Variants in TAS2R1 observed in about 807,000 individuals in gnomAD.
TAS2R1 encodes the protein taste 2 receptor member 1.
For synonymous variants in TAS2R1, 141 were observed against 134.2 expected, an observed-to-expected ratio of 1.05 and a Z score of -0.35; for missense variants, 370 against 353.4, an observed-to-expected ratio of 1.05 and a Z score of -0.38.
chr5:9,814,559 A>G, the TAS2R1 span, among the ~76,000 whole-genome samples: 3 of 152,186 alleles, frequency 2.0e-5, no homozygotes, highest in Non-Finnish European at 4.4e-5. Flanking sequence ...TCACTGAAGC[A>G]TTTGTCTACA....
chr5:9,848,514 A>C, the TAS2R1 span, among the ~76,000 whole-genome samples: 2 of 152,188 alleles, frequency 1.3e-5, no homozygotes, highest in African/African-American at 4.8e-5. Context: ...AGCTCTGGTC[A>C]TCTATTGTAC....
chr5:9,711,880 G>A (rs1287442381), intron 1 of TAS2R1, among the ~76,000 whole-genome samples: 1 of 151,572 alleles, frequency 6.6e-6, no homozygotes, highest in Admixed American at 6.6e-5. Flanking sequence ...TGGCCAGGCT[G>A]GTCTCGAACT....
the TAS2R1 span, among the ~76,000 whole-genome samples, chr5:9,835,667 G>T: frequency 2.0e-5 from 3 of 152,118 alleles, no homozygotes; most frequent in Admixed American, 1.3e-4. Context: ...AACACCCATG[G>T]TGCCACCTGA....
At chr5:9,649,004 G>T (rs115838964) in intron 2 of TAS2R1, among the ~76,000 whole-genome samples, 55 of 152,288 alleles carry the variant, frequency 3.6e-4, no homozygotes, top group Non-Finnish European at 6.0e-4. Flanking sequence ...GCTAATTGTT[G>T]AAAGAGAACT....
the TAS2R1 span, among the ~76,000 whole-genome samples, chr5:9,779,730 T>A: frequency 6.6e-6 from 1 of 152,002 alleles, no homozygotes; most frequent in Non-Finnish European, 1.5e-5. Flanking sequence ...ATAATAATAA[T>A]GAAAAAGTCT....
At chr5:9,731,272 C>A in the TAS2R1 span, among the ~76,000 whole-genome samples, 1 of 152,188 alleles carries the variant, frequency 6.6e-6, no homozygotes, top group African/African-American at 2.4e-5. Context: ...AACCTCCTCA[C>A]TGACTGCTCT....
the TAS2R1 span, among the ~76,000 whole-genome samples, chr5:9,856,568 G>A: frequency 6.6e-6 from 1 of 152,136 alleles, no homozygotes; most frequent in Non-Finnish European, 1.5e-5. Flanking sequence ...GGAGATACAG[G>A]GATCCACAGA....
At chr5:9,644,859 A>G (rs1050049243) in intron 2 of TAS2R1, among the ~76,000 whole-genome samples, 1 of 152,230 alleles carries the variant, frequency 6.6e-6, no homozygotes, top group Admixed American at 6.5e-5. Flanking sequence ...ACTGAAAGCA[A>G]TTGTGGAACT....
the TAS2R1 span, among the ~76,000 whole-genome samples, chr5:9,893,344 A>G: frequency 6.6e-6 from 1 of 151,222 alleles, no homozygotes; most frequent in Admixed American, 6.6e-5. Flanking sequence ...ATTATCTTGT[A>G]TATCACCTGG....
chr5:9,813,948 C>T, the TAS2R1 span, among the ~76,000 whole-genome samples: 1 of 152,128 alleles, frequency 6.6e-6, no homozygotes, highest in Non-Finnish European at 1.5e-5. Flanking sequence ...CCTTCATATT[C>T]CTTAGGTTAC....
chr5:9,741,999 G>T, the TAS2R1 span, among the ~76,000 whole-genome samples: 1 of 152,094 alleles, frequency 6.6e-6, no homozygotes, highest in Non-Finnish European at 1.5e-5. Context: ...GGGGTCAAGA[G>T]ATTCTCCTGC....
At chr5:9,833,513 A>G in the TAS2R1 span, among the ~76,000 whole-genome samples, 2 of 152,364 alleles carry the variant, frequency 1.3e-5, no homozygotes, top group South Asian at 4.1e-4. Flanking sequence ...TTACAAATGA[A>G]AAGATGCCCT....
the TAS2R1 span, among the ~76,000 whole-genome samples, chr5:9,874,621 T>C: frequency 6.6e-6 from 1 of 152,296 alleles, no homozygotes; most frequent in East Asian, 1.9e-4. Flanking sequence ...TTTAATTATT[T>C]TTATTCCTGA....
At chr5:9,801,735 G>A in the TAS2R1 span, among the ~76,000 whole-genome samples, 1 of 152,154 alleles carries the variant, frequency 6.6e-6, no homozygotes, top group Admixed American at 6.5e-5. Flanking sequence ...TGCATCAGGA[G>A]GGGGCAAGGC....
At chr5:9,794,383 A>G in the TAS2R1 span, among the ~76,000 whole-genome samples, 1 of 152,152 alleles carries the variant, frequency 6.6e-6, no homozygotes, top group Admixed American at 6.5e-5. Flanking sequence ...ATTCAGATAT[A>G]TTAAATTTAT....
At chr5:9,750,477 T>G in the TAS2R1 span, among the ~76,000 whole-genome samples, 1 of 152,192 alleles carries the variant, frequency 6.6e-6, no homozygotes, top group East Asian at 1.9e-4. Flanking sequence ...TTAGTTACAT[T>G]CCTTGCTTAA....
chr5:9,675,878 A>T (rs2126506315), intron 1 of TAS2R1, among the ~76,000 whole-genome samples: 1 of 152,276 alleles, frequency 6.6e-6, no homozygotes, highest in South Asian at 2.1e-4. Flanking sequence ...CTGGCTAGGA[A>T]TTCCAGTGTT....
intron 1 of TAS2R1, among the ~76,000 whole-genome samples, chr5:9,691,381 T>A (rs568631326): frequency 6.6e-6 from 1 of 152,356 alleles, no homozygotes. Flanking sequence ...ACTTCTGGCC[T>A]CCAGAACTGT....
the TAS2R1 span, among the ~76,000 whole-genome samples, chr5:9,891,876 A>AC: frequency 1.3e-5 from 2 of 151,966 alleles, no homozygotes; most frequent in Admixed American, 6.6e-5. Flanking sequence ...ATCATACTTG[A>AC]CCCCTTCTGC....
Sources: allele counts gnomAD v4.1 joint callset (sites outside exome capture counted in the v4.1 genomes callset), GRCh38; gene constraint gnomAD v4.1.1; transcripts MANE v1.5; gene names NCBI Gene and HGNC (gene_info 2026-07-23, HGNC 2026-07-21).